SRBD1: variants seen among roughly 807,000 people sequenced by gnomAD.
SRBD1 encodes S1 RNA-binding domain-containing protein 1.
A neutral mutation model predicts 115.3 loss-of-function variants in SRBD1; 88 were observed. The observed-to-expected ratio is 0.76, with a 90% confidence interval of 0.64 to 0.91. The LOEUF (loss-of-function observed/expected upper bound fraction) is 0.91. Ranked by LOEUF, SRBD1 falls within the 40% of genes least tolerant of loss-of-function variation. The pLI is 0.00. For missense variants in SRBD1, 1,385 were observed against 1,177.4 expected (o/e 1.18, Z -2.58); for synonymous variants, 509 against 407.7 (o/e 1.25, Z -2.99).
chr2:45,436,983 A>G (rs990611010), intron 16 of SRBD1, among the ~76,000 whole-genome samples: 2 of 152,216 alleles, frequency 1.3e-5, no homozygotes, highest in Non-Finnish European at 2.9e-5. Context: ...GCAATAAATA[A>G]GTGGTATTTA....
intron 16 of SRBD1, among the ~76,000 whole-genome samples, chr2:45,435,703 C>A (rs562461842): frequency 5.3e-5 from 8 of 152,104 alleles, no homozygotes; most frequent in Non-Finnish European, 1.0e-4. Context: ...GGATACTCTG[C>A]TGATACCCAG....
chr2:45,468,545 G>C (rs892779580), intron 16 of SRBD1, among the ~76,000 whole-genome samples: 2 of 151,874 alleles, frequency 1.3e-5, no homozygotes, highest in Admixed American at 6.6e-5. Flanking sequence ...GCACCACCAT[G>C]CTCAGCTAAT....
At chr2:45,497,445 T>C (rs1424693728) in intron 14 of SRBD1, among the ~76,000 whole-genome samples, 2 of 152,254 alleles carry the variant, frequency 1.3e-5, no homozygotes, top group African/African-American at 4.8e-5. Flanking sequence ...TTTCCTTCAA[T>C]CTAGAGCAGT....
intron 16 of SRBD1, among the ~76,000 whole-genome samples, chr2:45,426,178 C>G (rs892005719): frequency 2.0e-5 from 3 of 152,182 alleles, no homozygotes; most frequent in Non-Finnish European, 2.9e-5. Flanking sequence ...AGGCACCCAT[C>G]ATTACTGAGG....
intron 1 of SRBD1, among the ~76,000 whole-genome samples, chr2:45,608,538 T>G (rs761878559): frequency 6.6e-6 from 1 of 152,220 alleles, no homozygotes; most frequent in African/African-American, 2.4e-5. Context: ...TAAAACTTGT[T>G]AGATTAACCA....
Position 45,542,859 on chromosome 2 carries a change from T to C in SRBD1, c.1874+3873A>G, listed in dbSNP as rs559803438. Among the ~76,000 whole-genome samples the C allele has an allele frequency of 8.5e-5, 13 of 152,264 alleles. No homozygotes were observed. In the South Asian group the frequency reaches 2.7e-3, roughly 32 times the overall value. ...TGATACAGCCAAACAATGAATACTGTTCAGGAATAAAAAGAACCACTGGTT... is the reference window on the plus strand; with the variant it reads ...TGATACAGCCAAACAATGAATACTGCTCAGGAATAAAAAGAACCACTGGTT... On this transcript the variant is annotated intron_variant, in intron 14 of 20. Coordinates refer to ENST00000263736, the MANE Select transcript of SRBD1 (RefSeq NM_018079.5).
chr2:45,562,847 T>A (rs1243688465), intron 9 of SRBD1, 91 bp from the exon 10 acceptor site: 1 of 751,046 alleles, frequency 1.3e-6, no homozygotes, highest in African/African-American at 1.8e-5. Context: ...ATGAATTTTT[T>A]ACTCGTTTAT....
intron 5 of SRBD1, 80 bp downstream of exon 5, chr2:45,585,528 T>C (rs1380641720): frequency 6.3e-6 from 9 of 1,437,624 alleles, no homozygotes; most frequent in Non-Finnish European, 8.5e-6. Flanking sequence ...AATTGTCAAA[T>C]ATACCGTCAT....
rs1218101510 is a variant in SRBD1 at position 45,449,249 on chromosome 2, TGAG to T, written c.2049+27741_2049+27743del. Among the ~76,000 whole-genome samples, 3 of 152,328 alleles carry T rather than the reference TGAG, an allele frequency of 2.0e-5. No homozygotes were observed. The East Asian group carries it at 5.8e-4, about 29-fold the overall frequency. The stretch of plus-strand genomic sequence containing the variant: ...CTAGTCAAAACAAAGCAGGACATTT[TGAG>T]GACCTTGATACACACTGTCAGTCTG... On this transcript the variant is annotated intron_variant, in intron 16 of 20. Transcript: ENST00000263736.
intron 15 of SRBD1, among the ~76,000 whole-genome samples, chr2:45,487,630 T>C: frequency 6.6e-6 from 1 of 152,192 alleles, no homozygotes; most frequent in Admixed American, 6.5e-5. Context: ...TAAAAGATCT[T>C]AGGATCTTTT....
intron 4 of SRBD1, among the ~76,000 whole-genome samples, chr2:45,588,351 C>T (rs1415845596): frequency 6.6e-6 from 1 of 152,196 alleles, no homozygotes; most frequent in Non-Finnish European, 1.5e-5. Flanking sequence ...TAGAACAAGG[C>T]CAGTTACTTT....
intron 14 of SRBD1, among the ~76,000 whole-genome samples, chr2:45,518,981 AAT>A (rs199689672): frequency 1.7e-4 from 26 of 151,456 alleles, no homozygotes; most frequent in South Asian, 4.1e-4. Context: ...AAAAAAAAAA[AAT>A]CTCACCATTT....
chr2:45,414,933 AGT>A (rs1558563945), intron 18 of SRBD1, among the ~76,000 whole-genome samples: 1 of 112,338 alleles, frequency 8.9e-6, no homozygotes, highest in Non-Finnish European at 1.7e-5. Flanking sequence ...GTACACACAC[AGT>A]GTTATATAGT....
At chr2:45,518,195 T>C (rs1008005994) in intron 14 of SRBD1, among the ~76,000 whole-genome samples, 2 of 152,124 alleles carry the variant, frequency 1.3e-5, no homozygotes, top group African/African-American at 4.8e-5. Context: ...ATCATCATCA[T>C]TTTTACAGGT....
At chr2:45,585,391 G>A (rs1482242074) in intron 5 of SRBD1, among the ~76,000 whole-genome samples, 4 of 152,128 alleles carry the variant, frequency 2.6e-5, no homozygotes, top group African/African-American at 9.7e-5. Flanking sequence ...CACTTTTACT[G>A]CAAATGACCT....
chr2:45,609,956 A>T (rs1221631302), intron 1 of SRBD1, among the ~76,000 whole-genome samples: 2 of 152,206 alleles, frequency 1.3e-5, no homozygotes, highest in African/African-American at 4.8e-5. Context: ...ACAACTATTA[A>T]ATGAACATAA....
At chr2:45,436,018 G>C (rs1668487298) in intron 16 of SRBD1, among the ~76,000 whole-genome samples, 1 of 151,850 alleles carries the variant, frequency 6.6e-6, no homozygotes, top group African/African-American at 2.4e-5. Flanking sequence ...AAAAAGCTAG[G>C]AAATCAAGTC....
At chr2:45,514,558 G>A (rs1382162645) in intron 14 of SRBD1, among the ~76,000 whole-genome samples, 3 of 152,084 alleles carry the variant, frequency 2.0e-5, no homozygotes, top group South Asian at 2.1e-4. Context: ...ACTAAAATTT[G>A]GCAGAAAAAT....
chr2:45,591,555 A>G (rs963735122), intron 4 of SRBD1, among the ~76,000 whole-genome samples: 2 of 152,190 alleles, frequency 1.3e-5, no homozygotes, highest in African/African-American at 4.8e-5. Context: ...GGACAGTTAC[A>G]TGTACAAGGA....
Sources: allele counts gnomAD v4.1 joint callset (sites outside exome capture counted in the v4.1 genomes callset), GRCh38; gene constraint gnomAD v4.1.1; transcripts MANE v1.5; gene names NCBI Gene and HGNC (gene_info 2026-07-23, HGNC 2026-07-21).